EFNA5: variants seen among roughly 807,000 people sequenced by gnomAD.
EFNA5 encodes the protein ephrin A5.
A neutral mutation model predicts 22.9 loss-of-function variants in EFNA5; 5 were observed. The observed-to-expected ratio is 0.22, with a 90% confidence interval of 0.11 to 0.46. EFNA5 has a LOEUF of 0.46. EFNA5 is among the 20% of genes least tolerant of loss of function. EFNA5 has a pLI of 0.99. For synonymous variants in EFNA5, 113 were observed against 112.2 expected (o/e 1.01, Z -0.04); for missense variants, 237 against 293.3 (o/e 0.81, Z 1.40).
At chr5:107,444,657 A>C (rs1301464136) in intron 1 of EFNA5, among the ~76,000 whole-genome samples, 1 of 152,220 alleles carries the variant, frequency 6.6e-6, no homozygotes. Context: ...GCAATTTGAG[A>C]TTACAGTTTA....
chr5:107,618,308 T>C (rs1247310161), intron 1 of EFNA5, among the ~76,000 whole-genome samples: 1 of 152,252 alleles, frequency 6.6e-6, no homozygotes, highest in Non-Finnish European at 1.5e-5. Flanking sequence ...TGTGTGAGCA[T>C]GAAATTCTAA....
chr5:107,634,010 A>G (rs558966427), intron 1 of EFNA5, among the ~76,000 whole-genome samples: 112 of 152,352 alleles, frequency 7.4e-4, no homozygotes, highest in South Asian at 1.4e-3. Context: ...ACATAGTTTC[A>G]TGTAAAGTTA....
intron 2 of EFNA5, among the ~76,000 whole-genome samples, chr5:107,411,454 C>G (rs1270898085): frequency 6.6e-6 from 1 of 152,220 alleles, no homozygotes; most frequent in African/African-American, 2.4e-5. Context: ...TTCCTTCTCC[C>G]AGGAACTTGC....
Position 107,482,814 on chromosome 5 carries a change from GTCTCTCTCTCTGTCTCTGTCTC to G in EFNA5, c.126-55327_126-55306del, listed in dbSNP as rs202166669. Among the ~76,000 whole-genome samples, 637 of 73,084 alleles carry G rather than the reference GTCTCTCTCTCTGTCTCTGTCTC, an allele frequency of 8.7e-3. 7 individuals carry two copies. The highest frequency in any genetic ancestry group is 0.022 in the African/African-American group (539 of 24,620). 47.9% of individuals were successfully genotyped at this position (73,084 alleles called of 152,430 possible). A position where few individuals can be genotyped will look rare whatever the true frequency, so the allele number is the denominator to read the frequency against. Reference sequence around the variant, plus strand: ...TTGGCTGCTCTCTCTCTCTCTCTCTGTCTCTCTCTCTGTCTCTGTCTCTCTCTCTCTCTCTCTCTCTCTCTCT... The same window carrying G: ...TTGGCTGCTCTCTCTCTCTCTCTCTGTCTCTCTCTCTCTCTCTCTCTCTCT... On this transcript the variant is annotated intron_variant, in intron 1 of 4. Transcript: ENST00000333274.
chr5:107,407,741 G>A (rs1482052083), intron 2 of EFNA5, among the ~76,000 whole-genome samples: 1 of 152,168 alleles, frequency 6.6e-6, no homozygotes, highest in East Asian at 1.9e-4. Context: ...TCTTTAGAGT[G>A]CACGCAAAAT....
intron 1 of EFNA5, among the ~76,000 whole-genome samples, chr5:107,561,992 G>C (rs925698251): frequency 5.3e-5 from 8 of 152,166 alleles, no homozygotes; most frequent in African/African-American, 1.7e-4. Flanking sequence ...TCCCCACTGG[G>C]GGATGGGACG....
At chr5:107,598,679 A>C (rs1749524983) in intron 1 of EFNA5, among the ~76,000 whole-genome samples, 1 of 152,230 alleles carries the variant, frequency 6.6e-6, no homozygotes, top group Non-Finnish European at 1.5e-5. Flanking sequence ...CAGAATCAGA[A>C]TTATGAACTC....
At chr5:107,398,604 G>A (rs973239938) in intron 2 of EFNA5, among the ~76,000 whole-genome samples, 2 of 151,914 alleles carry the variant, frequency 1.3e-5, no homozygotes, top group African/African-American at 2.4e-5. Flanking sequence ...CCCAGCATTC[G>A]GGAAGGCTGA....
chr5:107,478,509 C>T (rs1750371017), intron 1 of EFNA5, among the ~76,000 whole-genome samples: 1 of 152,158 alleles, frequency 6.6e-6, no homozygotes, highest in South Asian at 2.1e-4. Flanking sequence ...ATAATGGATG[C>T]AGCCATAGCC....
intron 1 of EFNA5, among the ~76,000 whole-genome samples, chr5:107,465,004 C>T (rs116061797): frequency 0.013 from 1,932 of 151,926 alleles, 48 homozygotes; most frequent in African/African-American, 0.045. Context: ...CTGAGCTCAC[C>T]GAGGAAGCAC....
At chr5:107,569,471 A>G (rs1434969303) in intron 1 of EFNA5, among the ~76,000 whole-genome samples, 1 of 136,380 alleles carries the variant, frequency 7.3e-6, no homozygotes, top group East Asian at 2.0e-4. Context: ...ATATTTATAT[A>G]TATGTGTATA....
chr5:107,382,957 C>A (rs1194286905), intron 4 of EFNA5, among the ~76,000 whole-genome samples: 1 of 152,180 alleles, frequency 6.6e-6, no homozygotes, highest in Admixed American at 6.5e-5. Flanking sequence ...TCCTACCACA[C>A]GTGTCACAAT....
At chr5:107,385,640 T>C (rs1561363691) in intron 4 of EFNA5, among the ~76,000 whole-genome samples, 1 of 152,134 alleles carries the variant, frequency 6.6e-6, no homozygotes, top group Non-Finnish European at 1.5e-5. Context: ...ATCAGCAATG[T>C]GGCATGGGTG....
At chr5:107,536,070 A>C (rs1043692987) in intron 1 of EFNA5, among the ~76,000 whole-genome samples, 2 of 152,136 alleles carry the variant, frequency 1.3e-5, no homozygotes, top group Non-Finnish European at 1.5e-5. Context: ...CAGTTTGCAT[A>C]CTTTTATCAC....
intron 1 of EFNA5, among the ~76,000 whole-genome samples, chr5:107,641,765 T>A (rs1336348523): frequency 6.6e-6 from 1 of 152,214 alleles, no homozygotes; most frequent in Non-Finnish European, 1.5e-5. Flanking sequence ...ATCTGTTCAT[T>A]GCATCTGCAC....
Position 107,583,745 on chromosome 5 carries a change from C to T in EFNA5, c.125+86744G>A, listed in dbSNP as rs551027350. ...AGACATGAAAACTGCTTACTTATAA[C>T]AAGTACTTTATATGGAATTAGACAG... On this transcript the variant is annotated intron_variant, in intron 1 of 4. Transcript: ENST00000333274. Among the ~76,000 whole-genome samples the T allele has an allele frequency of 2.6e-5, 4 of 152,320 alleles. No homozygotes were observed. In the East Asian group the frequency reaches 7.7e-4, roughly 29 times the overall value.
chr5:107,392,806 GATTCTGCTGCCATGC>G (rs1467627888), intron 2 of EFNA5, among the ~76,000 whole-genome samples: 1 of 152,186 alleles, frequency 6.6e-6, no homozygotes, highest in African/African-American at 2.4e-5. Context: ...GTGCACTCCT[GATTCTGCTGCCATGC>G]CTCAACAACT....
At chr5:107,670,346 G>A (rs1302404266) in intron 1 of EFNA5, 143 bp downstream of exon 1, 6 of 1,091,936 alleles carry the variant, frequency 5.5e-6, no homozygotes, top group East Asian at 6.4e-5. Flanking sequence ...TCCCGCCGAC[G>A]CCTCAAGCCA....
chr5:107,441,022 T>C (rs1749242883), intron 1 of EFNA5, among the ~76,000 whole-genome samples: 2 of 152,094 alleles, frequency 1.3e-5, no homozygotes, highest in African/African-American at 4.8e-5. Context: ...TGGATTTTTT[T>C]TTTTTTTCAG....
Sources: gnomAD v4.1 joint callset for allele counts (sites outside exome capture counted in the v4.1 genomes callset) on GRCh38, gnomAD v4.1.1 for gene constraint, MANE v1.5 for transcripts, NCBI Gene and HGNC (gene_info 2026-07-23, HGNC 2026-07-21) for gene names.